C1QTNF7: variants seen among roughly 807,000 people sequenced by gnomAD.
C1QTNF7 encodes complement C1q tumor necrosis factor-related protein 7.
C1QTNF7 carries 15 observed loss-of-function variants against 19.6 expected under a neutral mutation model. The observed-to-expected ratio is 0.76, with a 90% CI of 0.51 to 1.18. The LOEUF is 1.18. Among genes scored for constraint, C1QTNF7 ranks in the 50% most tolerant of loss-of-function variants. The probability of loss-of-function intolerance (pLI) is 0.00; values close to 1 mark genes in which losing one functional copy is unlikely to be tolerated. For synonymous variants in C1QTNF7, 142 were observed against 137.5 expected, an observed-to-expected ratio of 1.03 and a Z score of -0.23; for missense variants, 324 against 359.7, an observed-to-expected ratio of 0.90 and a Z score of 0.80.
chr4:15,431,948 C>T (rs1712331051), intron 1 of C1QTNF7, among the ~76,000 whole-genome samples: 2 of 152,206 alleles, frequency 1.3e-5, no homozygotes, highest in Admixed American at 6.5e-5. Flanking sequence ...AGGCAGATTG[C>T]AGTGTTAAGC....
At chr4:15,339,859 T>C (rs1716479407), upstream of C1QTNF7, 1 of 411,594 alleles carries the variant, frequency 2.4e-6, no homozygotes, top group Non-Finnish European at 4.4e-6. Flanking sequence ...AACTAGTGTA[T>C]ATATTAAGCT....
At chr4:15,360,578 T>C (rs900619127) in intron 1 of C1QTNF7, among the ~76,000 whole-genome samples, 8 of 152,130 alleles carry the variant, frequency 5.3e-5, no homozygotes, top group Admixed American at 5.2e-4. Context: ...TTTCTATGCT[T>C]GGAGGACATT....
chr4:15,432,984 A>G (rs764565982), intron 1 of C1QTNF7, among the ~76,000 whole-genome samples: 1 of 152,042 alleles, frequency 6.6e-6, no homozygotes, highest in Non-Finnish European at 1.5e-5. Context: ...GACCCTTACC[A>G]CATTCTTCTT....
At chr4:15,441,908 C>T (rs1304354252) in intron 2 of C1QTNF7, among the ~76,000 whole-genome samples, 1 of 151,984 alleles carries the variant, frequency 6.6e-6, no homozygotes, top group Non-Finnish European at 1.5e-5. Flanking sequence ...ATAATCCCAG[C>T]TGCTTGGGAG....
chr4:15,385,226 C>A (rs948114964), intron 1 of C1QTNF7, among the ~76,000 whole-genome samples: 2 of 152,196 alleles, frequency 1.3e-5, no homozygotes, highest in Non-Finnish European at 2.9e-5. Context: ...TCAAAACAGA[C>A]AAAGTCCCTC....
chr4:15,421,125 C>T (rs934801325), intron 1 of C1QTNF7, among the ~76,000 whole-genome samples: 2 of 151,638 alleles, frequency 1.3e-5, no homozygotes, highest in Admixed American at 1.3e-4. Context: ...ACATGGGCCC[C>T]CCATTATCCG....
chr4:15,376,262 C>T (rs999093856), intron 1 of C1QTNF7, among the ~76,000 whole-genome samples: 4 of 152,166 alleles, frequency 2.6e-5, no homozygotes, highest in African/African-American at 9.7e-5. Flanking sequence ...CAGTGGACTG[C>T]GTAACGAAAT....
At chr4:15,413,052 T>A (rs554377261) in intron 1 of C1QTNF7, among the ~76,000 whole-genome samples, 1 of 152,348 alleles carries the variant, frequency 6.6e-6, no homozygotes, top group Admixed American at 6.5e-5. Context: ...ACCACCCAGG[T>A]GGCTCTGACT....
At chr4:15,395,810 C>T (rs1029767131) in intron 1 of C1QTNF7, among the ~76,000 whole-genome samples, 5 of 152,046 alleles carry the variant, frequency 3.3e-5, no homozygotes, top group East Asian at 1.9e-4. Context: ...CACCATTTTA[C>T]GGATGAGAAA....
At chr4:15,413,824 C>G (rs779857028) in intron 1 of C1QTNF7, among the ~76,000 whole-genome samples, 1 of 152,178 alleles carries the variant, frequency 6.6e-6, no homozygotes, top group African/African-American at 2.4e-5. Flanking sequence ...CACAATACCG[C>G]GTGATCCTTA....
At chr4:15,414,558 G>A (rs1719519931) in intron 1 of C1QTNF7, among the ~76,000 whole-genome samples, 1 of 151,890 alleles carries the variant, frequency 6.6e-6, no homozygotes, top group South Asian at 2.1e-4. Context: ...AGAGAGTTCT[G>A]CCTGCATCTC....
chr4:15,360,707 G>A (rs1020125000), intron 1 of C1QTNF7, among the ~76,000 whole-genome samples: 8 of 152,132 alleles, frequency 5.3e-5, no homozygotes, highest in Non-Finnish European at 8.8e-5. Flanking sequence ...GAACATTGTC[G>A]TCTTTGACCT....
intron 2 of C1QTNF7, among the ~76,000 whole-genome samples, chr4:15,440,642 G>A (rs536396650): frequency 3.9e-5 from 6 of 152,158 alleles, no homozygotes; most frequent in South Asian, 4.1e-4. Context: ...TGCGGACCTC[G>A]TTATCTGCCC....
intron 1 of C1QTNF7, among the ~76,000 whole-genome samples, chr4:15,420,984 G>C (rs1711732153): frequency 6.6e-6 from 1 of 151,778 alleles, no homozygotes; most frequent in Admixed American, 6.6e-5. Flanking sequence ...GTATGCAAGA[G>C]GCACCACCTG....
chr4:15,436,119 C>T, intron 2 of C1QTNF7, 138 bp downstream of exon 2: 2 of 1,232,676 alleles, frequency 1.6e-6, no homozygotes, highest in South Asian at 1.6e-5. Context: ...TTACTGAGCC[C>T]TTACTAGGCT....
chr4:15,415,620 C>CATATAT (rs35377968), intron 1 of C1QTNF7, among the ~76,000 whole-genome samples: 13,706 of 146,694 alleles, frequency 0.093, 839 homozygotes, highest in African/African-American at 0.17. Flanking sequence ...TTATTTGATG[C>CATATAT]ATATATATAT....
At chr4:15,361,252 G>C (rs1441038041) in intron 1 of C1QTNF7, 1 of 151,654 alleles carries the variant, frequency 6.6e-6, no homozygotes, top group African/African-American at 2.4e-5. Flanking sequence ...TTATACCCCT[G>C]TTTTCCATCT....
chr4:15,385,631 G>A (rs13146941), intron 1 of C1QTNF7, among the ~76,000 whole-genome samples: 35,466 of 152,122 alleles, frequency 0.23, 4,558 homozygotes, highest in East Asian at 0.29. Context: ...GGAAGCTACT[G>A]CAGGGTTTTC....
Position 15,435,411 on chromosome 4 carries a change from A to G in C1QTNF7, c.-8-325A>G, listed in dbSNP as rs541197726. On this transcript the variant is annotated intron_variant, in intron 1 of 2. Transcript: ENST00000444304. ...CTAAATTTTTTTCTTTAAAAAATGC[A>G]CTATGTTTGTAAAAAGAAAATGCCA... Among the ~76,000 whole-genome samples the G allele has an allele frequency of 5.3e-5, 8 of 152,320 alleles. No homozygotes were observed. The South Asian group carries it at 1.7e-3, about 32-fold the overall frequency.
Sources: allele counts gnomAD v4.1 joint callset (sites outside exome capture counted in the v4.1 genomes callset), GRCh38; gene constraint gnomAD v4.1.1; transcripts MANE v1.5; gene names NCBI Gene and HGNC (gene_info 2026-07-23, HGNC 2026-07-21).